COL4A5: variants seen among roughly 807,000 people sequenced by gnomAD.
The protein encoded by COL4A5 is collagen type IV alpha 5 chain.
In COL4A5, 26 loss-of-function variants were observed where a neutral mutation model predicts 130.2. The ratio of observed to expected loss-of-function variants is 0.20; its 90% CI spans 0.15 to 0.28. COL4A5 has a LOEUF of 0.28. Among genes scored for constraint, COL4A5 ranks in the 10% least tolerant of loss-of-function variants. The probability of loss-of-function intolerance (pLI) is 1.00; values close to 1 mark genes in which losing one functional copy is unlikely to be tolerated. For missense variants in COL4A5, 1,131 were observed against 1,344.3 expected, an observed-to-expected ratio of 0.84 and a Z score of 2.48; for synonymous variants, 496 against 439.6, an observed-to-expected ratio of 1.13 and a Z score of -1.60.
chrX:108,646,546 T>C (rs2147916786), intron 36 of COL4A5, among the ~76,000 whole-genome samples: 1 of 111,328 alleles, frequency 9.0e-6, no homozygotes, highest in East Asian at 2.8e-4. Context: ...TTCACTCTGA[T>C]AGTAGTTTCT....
intron 37 of COL4A5, among the ~76,000 whole-genome samples, chrX:108,657,674 T>C (rs1318943681): frequency 1.8e-5 from 2 of 111,449 alleles, no homozygotes; most frequent in East Asian, 2.8e-4. Context: ...TGCTGCACTT[T>C]TTGTTTTGTA....
At position 108,561,067 on chromosome X, in the gene COL4A5, C is replaced by G. The variant is rs887966031; in HGVS notation, c.231+1914C>G. 2.7e-5 allele frequency among the ~76,000 whole-genome samples: 3 copies of G among 111,428 alleles called. No individual in the cohort carries two copies. The South Asian group carries it at 1.1e-3, about 42-fold the overall frequency. Reference sequence around the variant, plus strand: ...GTCAATTGTTGCAATCTGTCAGATCCAGTGTAATAAAGTTAGGGTACATGA... The same window carrying G: ...GTCAATTGTTGCAATCTGTCAGATCGAGTGTAATAAAGTTAGGGTACATGA... On this transcript the variant is annotated intron_variant, in intron 3 of 52. Transcript: ENST00000328300.
chrX:108,667,019 A>G (rs1054803903), intron 39 of COL4A5, 114 bp from the exon 40 acceptor site: 6 of 616,201 alleles, frequency 9.7e-6, no homozygotes, highest in African/African-American at 2.2e-5. Flanking sequence ...TGTTTCATAT[A>G]ATATACATTG....
intron 1 of COL4A5, among the ~76,000 whole-genome samples, chrX:108,508,267 G>A (rs1050404317): frequency 9.0e-6 from 1 of 110,581 alleles, no homozygotes; most frequent in Non-Finnish European, 1.9e-5. Flanking sequence ...AGCCGAATCA[G>A]GAAGGCAGTC....
chrX:108,524,712 A>G (rs1380860413), intron 1 of COL4A5, among the ~76,000 whole-genome samples: 1 of 111,257 alleles, frequency 9.0e-6, no homozygotes, highest in Non-Finnish European at 1.9e-5. Context: ...ACTCACCTCA[A>G]AATATTTCTA....
chrX:108,475,578 G>A (rs1192665799), intron 1 of COL4A5, among the ~76,000 whole-genome samples: 1 of 111,159 alleles, frequency 9.0e-6, no homozygotes, highest in East Asian at 2.8e-4. Context: ...TATCTCAGTG[G>A]TTCTCAATGA....
At chrX:108,560,364 G>A (rs932041121) in intron 3 of COL4A5, among the ~76,000 whole-genome samples, 11 of 112,513 alleles carry the variant, frequency 9.8e-5, no homozygotes, top group Admixed American at 7.5e-4. Context: ...CTCACAGTTG[G>A]CCAGCAGGCA....
intron 47 of COL4A5, among the ~76,000 whole-genome samples, chrX:108,684,601 G>T (rs2068505656): frequency 8.9e-6 from 1 of 112,382 alleles, no homozygotes; most frequent in South Asian, 3.7e-4. Context: ...TGAAATTGAG[G>T]CAGTAATTAA....
At chrX:108,687,354 C>A in intron 48 of COL4A5, 128 bp from the exon 49 acceptor site, 1 of 581,045 alleles carries the variant, frequency 1.7e-6, no homozygotes, top group South Asian at 2.6e-5. Context: ...TCTGACAATG[C>A]CTTTATAGAC....
At chrX:108,545,384 A>G (rs1214853727) in intron 2 of COL4A5, among the ~76,000 whole-genome samples, 1 of 111,319 alleles carries the variant, frequency 9.0e-6, no homozygotes, top group Non-Finnish European at 1.9e-5. Flanking sequence ...GGCATTCAGG[A>G]GCCGGTCGTT....
At chrX:108,440,261 A>AC in intron 1 of COL4A5, 55 bp downstream of exon 1, 1 of 832,095 alleles carries the variant, frequency 1.2e-6, no homozygotes. Flanking sequence ...CGCTGAAATT[A>AC]CCTTTTTTTT....
At chrX:108,521,371 TG>T (rs2065263613) in intron 1 of COL4A5, among the ~76,000 whole-genome samples, 1 of 110,996 alleles carries the variant, frequency 9.0e-6, no homozygotes, top group Non-Finnish European at 1.9e-5. Flanking sequence ...TCTGTTATAA[TG>T]AATAACTCGG....
chrX:108,592,312 T>C (rs1291067182), intron 21 of COL4A5, among the ~76,000 whole-genome samples: 1 of 111,358 alleles, frequency 9.0e-6, no homozygotes, highest in East Asian at 2.8e-4. Flanking sequence ...TTCCTCTTAT[T>C]TCCCCAAGGA....
chrX:108,566,377 A>G (rs2065969719), intron 4 of COL4A5, among the ~76,000 whole-genome samples: 1 of 110,345 alleles, frequency 9.1e-6, no homozygotes, highest in Admixed American at 9.7e-5. Flanking sequence ...TCTTTTCAGA[A>G]AACTCCATTG....
rs751991149 is a variant in COL4A5, at chrX:108,460,656, A to ATTT, written c.81+20479_81+20481dup. ...AGATGCCTGCCACCACGCCTGGCAA[A>ATTT]TTTTTTTTTTTTTTTTTTTTTTTTT... On this transcript the variant is annotated intron_variant, in intron 1 of 52. Transcript: ENST00000328300. 9.8e-3 allele frequency among the ~76,000 whole-genome samples: 385 copies of ATTT among 39,434 alleles called. 35 individuals carry two copies. Among genetic ancestry groups the ATTT allele is most frequent in the African/African-American group, 0.019 (174 of 9,277 alleles). The allele number at this position is 39,434 out of a possible 115,157, so 34.2% of individuals were successfully genotyped here. A position where few individuals can be genotyped will look rare whatever the true frequency, so the allele number is the denominator to read the frequency against.
At chrX:108,673,886 A>G (rs1211456991) in intron 42 of COL4A5, among the ~76,000 whole-genome samples, 4 of 108,724 alleles carry the variant, frequency 3.7e-5, no homozygotes, top group Admixed American at 3.0e-4. Flanking sequence ...TACTAAAAAT[A>G]TGAAAATTAG....
intron 26 of COL4A5, 134 bp from the exon 27 acceptor site, chrX:108,601,751 G>A (rs1603291948): frequency 2.0e-6 from 1 of 495,542 alleles, no homozygotes; most frequent in Non-Finnish European, 3.6e-6. Context: ...GGCTGGTCTC[G>A]AACTCCTGAC....
At chrX:108,640,849 A>C (rs2067449996) in intron 36 of COL4A5, among the ~76,000 whole-genome samples, 1 of 112,092 alleles carries the variant, frequency 8.9e-6, no homozygotes, top group Admixed American at 9.5e-5. Context: ...ATCACATCAT[A>C]CTCTATAAAT....
chrX:108,507,368 C>A (rs758730581), intron 1 of COL4A5, among the ~76,000 whole-genome samples: 1 of 111,586 alleles, frequency 9.0e-6, no homozygotes, highest in Non-Finnish European at 1.9e-5. Context: ...AAAAGCTAAT[C>A]CACTGCAATC....
Sources: gnomAD v4.1 joint callset for allele counts (sites outside exome capture counted in the v4.1 genomes callset) on GRCh38, gnomAD v4.1.1 for gene constraint, MANE v1.5 for transcripts, NCBI Gene and HGNC (gene_info 2026-07-23, HGNC 2026-07-21) for gene names.